The following DPP6 variants were observed in gnomAD, a reference collection of about 807,000 sequenced individuals.
The protein encoded by DPP6 is A-type potassium channel modulatory protein DPP6.
DPP6 carries 69 observed loss-of-function variants against 122.6 expected under a neutral mutation model. The observed-to-expected ratio is 0.56, with a 90% CI of 0.46 to 0.69. The LOEUF (loss-of-function observed/expected upper bound fraction) is 0.69, where lower values mean the gene tolerates loss of function less well. Among genes scored for constraint, DPP6 ranks in the 30% least tolerant of loss-of-function variants. The pLI is 0.00. For missense variants in DPP6, 928 were observed against 1,116.9 expected (o/e 0.83, Z 2.41); for synonymous variants, 418 against 433.1 (o/e 0.97, Z 0.43).
rs1249562674 is a variant in DPP6, at chr7:154,483,523, G to A, written c.457+8486G>A. On this transcript the variant is annotated intron_variant, in intron 3 of 25. Transcript: ENST00000377770. The surrounding 1 kb of genome is among the most constrained non-coding windows in gnomAD (Gnocchi z 8.1). ...TTTACAGAACAAAGACAGAAGCAAA[G>A]CAACTATCTGATTGGTTACAGTTAT... Among the ~76,000 whole-genome samples the A allele has an allele frequency of 6.6e-6, 1 of 152,198 alleles. No homozygotes were observed. Among genetic ancestry groups the A allele is most frequent in the Non-Finnish European group, 1.5e-5 (1 of 68,036 alleles).
intron 1 of DPP6, among the ~76,000 whole-genome samples, chr7:154,061,551 G>A (rs1029678306): frequency 7.5e-5 from 11 of 146,406 alleles, no homozygotes; most frequent in African/African-American, 2.8e-4. Context: ...GAACATAAAG[G>A]CCCCCCATTT....
chr7:154,023,642 C>T (rs1437497601), intron 1 of DPP6, among the ~76,000 whole-genome samples: 2 of 151,632 alleles, frequency 1.3e-5, no homozygotes, highest in Non-Finnish European at 2.9e-5. Flanking sequence ...CCACCATGCT[C>T]GGCTAATTTT....
chr7:154,834,514 C>A (rs1364285411), intron 16 of DPP6, among the ~76,000 whole-genome samples: 2 of 151,948 alleles, frequency 1.3e-5, no homozygotes, highest in African/African-American at 4.8e-5. Context: ...CAAAAAAAAC[C>A]AGCTCCCATT....
chr7:154,622,491 G>A (rs1207063379), intron 5 of DPP6, among the ~76,000 whole-genome samples: 6 of 152,162 alleles, frequency 3.9e-5, no homozygotes, highest in African/African-American at 1.4e-4. Flanking sequence ...AAGACCCACT[G>A]GCTTTTTAGA....
Position 154,097,385 on chromosome 7 carries a change from G to A in DPP6, c.243+44322G>A, listed in dbSNP as rs149405383. 8.9e-3 allele frequency among the ~76,000 whole-genome samples: 1,352 copies of A among 152,292 alleles called. 27 individuals are homozygous for A. Among genetic ancestry groups the A allele is most frequent in the African/African-American group, 0.031 (1,275 of 41,568 alleles). ...GTGCAGGGCACACCTCCACTCTCCC[G>A]CCGTGCTGCGAGCCCTTTGAGGGCA... On this transcript the variant is annotated intron_variant, in intron 1 of 25. Coordinates refer to ENST00000377770, the MANE Select transcript of DPP6 (RefSeq NM_130797.4).
At chr7:154,242,302 T>C (rs942447151) in intron 1 of DPP6, among the ~76,000 whole-genome samples, 1 of 152,152 alleles carries the variant, frequency 6.6e-6, no homozygotes, top group Non-Finnish European at 1.5e-5. Context: ...AAATAACTAA[T>C]AGTGTGAAGC....
chr7:153,801,563 G>A, the DPP6 span, among the ~76,000 whole-genome samples: 1 of 152,136 alleles, frequency 6.6e-6, no homozygotes, highest in Non-Finnish European at 1.5e-5. Context: ...GGCAGGAAAG[G>A]GGGCCACTCC....
rs1156331153 is a variant in DPP6, at chr7:154,755,160, A to AG, written c.884-14257_884-14256insG. Among the ~76,000 whole-genome samples, 2 of 151,802 alleles carry AG rather than the reference A, an allele frequency of 1.3e-5. No homozygotes were observed. Among genetic ancestry groups the AG allele is most frequent in the East Asian group, 1.9e-4 (1 of 5,164 alleles). On this transcript the variant is annotated intron_variant, in intron 8 of 25. Transcript: ENST00000377770. The surrounding 1 kb of genome is among the most constrained non-coding windows in gnomAD (Gnocchi z 4.7). ...AAGTAAAATAAATTAAAAAAAAAAA[A>AG]AAAAGAAACTGAACACATGTCAGGA...
chr7:154,064,179 C>T (rs1317588507), intron 1 of DPP6, among the ~76,000 whole-genome samples: 4 of 152,150 alleles, frequency 2.6e-5, no homozygotes, highest in African/African-American at 7.2e-5. Context: ...TCCCGCTCCC[C>T]GTTCAGGCTG....
intron 1 of DPP6, among the ~76,000 whole-genome samples, chr7:154,371,750 T>C (rs1812694876): frequency 6.6e-6 from 1 of 152,142 alleles, no homozygotes; most frequent in Non-Finnish European, 1.5e-5. Flanking sequence ...CCCGGGCAGA[T>C]ACCTGTGACC....
intron 1 of DPP6, among the ~76,000 whole-genome samples, chr7:154,354,605 G>A (rs577419787): frequency 2.0e-5 from 3 of 152,196 alleles, no homozygotes; most frequent in East Asian, 3.9e-4. Context: ...CCATCCATTC[G>A]GTTTGGCTTG....
At chr7:153,871,538 G>C in the DPP6 span, among the ~76,000 whole-genome samples, 2 of 152,184 alleles carry the variant, frequency 1.3e-5, no homozygotes, top group African/African-American at 4.8e-5. Flanking sequence ...CAATTTTCCA[G>C]GTGCCGTCTG....
At chr7:154,297,644 G>T (rs1033806125) in intron 1 of DPP6, among the ~76,000 whole-genome samples, 1 of 152,184 alleles carries the variant, frequency 6.6e-6, no homozygotes, top group Non-Finnish European at 1.5e-5. Flanking sequence ...AAATAACAGT[G>T]CCCAGTACAC....
At chr7:154,400,154 G>T (rs2151183614) in intron 1 of DPP6, among the ~76,000 whole-genome samples, 1 of 152,308 alleles carries the variant, frequency 6.6e-6, no homozygotes, top group East Asian at 1.9e-4. Context: ...GGAAGCAGTG[G>T]AGTGTGGTCT....
At chr7:153,979,433 A>C (rs987049553) in intron 1 of DPP6, among the ~76,000 whole-genome samples, 1 of 152,254 alleles carries the variant, frequency 6.6e-6, no homozygotes, top group Non-Finnish European at 1.5e-5. Context: ...TTATCAGCTT[A>C]AGGAGTTTTT....
At chr7:154,532,606 G>C (rs1827927717) in intron 3 of DPP6, among the ~76,000 whole-genome samples, 2 of 151,918 alleles carry the variant, frequency 1.3e-5, no homozygotes, top group South Asian at 4.1e-4. Context: ...AAAAAAAGAA[G>C]ACACAAATGA....
the DPP6 span, among the ~76,000 whole-genome samples, chr7:153,794,999 G>A: frequency 6.6e-6 from 1 of 151,984 alleles, no homozygotes; most frequent in Non-Finnish European, 1.5e-5. Context: ...CCTAGTCTTG[G>A]GTATGTCTTT....
intron 1 of DPP6, among the ~76,000 whole-genome samples, chr7:154,424,380 G>T (rs781495526): frequency 3.2e-4 from 49 of 152,212 alleles, no homozygotes; most frequent in Non-Finnish European, 5.9e-4. Flanking sequence ...CAAAGTGTCT[G>T]CAGGGCTAAT....
intron 7 of DPP6, among the ~76,000 whole-genome samples, chr7:154,696,190 G>A (rs115024828): frequency 5.9e-5 from 9 of 152,330 alleles, no homozygotes; most frequent in South Asian, 4.1e-4. Context: ...GGAAGCTTCC[G>A]TTCTGTGAGA....
Sources: allele counts gnomAD v4.1 joint callset (sites outside exome capture counted in the v4.1 genomes callset), GRCh38; gene constraint gnomAD v4.1.1; non-coding constraint Gnocchi (gnomAD v3.1); transcripts MANE v1.5; gene names NCBI Gene and HGNC (gene_info 2026-07-23, HGNC 2026-07-21).